Variants in UTRN observed in about 807,000 individuals in gnomAD.
UTRN encodes the protein dystrophin-related protein 1.
A neutral mutation model predicts 463.9 loss-of-function variants in UTRN; 283 were observed. The observed-to-expected ratio is 0.61, with a 90% confidence interval of 0.55 to 0.67. The LOEUF (loss-of-function observed/expected upper bound fraction) is 0.67, where lower values mean the gene tolerates loss of function less well. Ranked by LOEUF, UTRN falls within the 30% of genes least tolerant of loss-of-function variation. UTRN has a pLI of 0.00. For missense variants in UTRN, 3,922 were observed against 4,084.3 expected (o/e 0.96, Z 1.08); for synonymous variants, 1,442 against 1,431.5 (o/e 1.01, Z -0.17).
intron 51 of UTRN, among the ~76,000 whole-genome samples, chr6:144,630,879 A>G (rs1332112598): frequency 2.0e-5 from 3 of 151,386 alleles, no homozygotes; most frequent in Middle Eastern, 3.2e-3. Context: ...CACAATAACC[A>G]CCCCAAGAAG....
intron 2 of UTRN, among the ~76,000 whole-genome samples, chr6:144,302,578 C>CA (rs1349150209): frequency 6.6e-6 from 1 of 151,984 alleles, no homozygotes; most frequent in African/African-American, 2.4e-5. Flanking sequence ...ATACCTCATT[C>CA]ATTCAGCAAA....
Position 144,539,347 on chromosome 6 carries a change from A to C in UTRN, c.6423A>C (p.Arg2141Ser). ...VHAEKLKWLN[R>S]TELEMLSDKS... ...CTGAAAAACTCAAATGGCTGAATAGAACTGAATTGGAGATGCTTTCAGATA... is the reference window on the plus strand; with the variant it reads ...CTGAAAAACTCAAATGGCTGAATAGCACTGAATTGGAGATGCTTTCAGATA... Residue 2141 changes from arginine (R) to serine (S), a missense_variant, in exon 45 of 75, where the codon AGA becomes AGC. Coordinates refer to ENST00000367545, the MANE Select transcript of UTRN (RefSeq NM_007124.3). The C allele has an allele frequency of 1.9e-6, 3 of 1,613,552 alleles. No individual in the cohort carries two copies. In the South Asian group the frequency reaches 3.3e-5, roughly 18 times the overall value.
chr6:144,730,256 T>C, intron 53 of UTRN, 101 bp from the exon 54 acceptor site: 1 of 1,275,366 alleles, frequency 7.8e-7, no homozygotes. Flanking sequence ...CTATTAGTCA[T>C]TTTCTTGCTA....
chr6:144,657,250 CAAA>C (rs11400052), intron 51 of UTRN, among the ~76,000 whole-genome samples: 77 of 68,854 alleles, frequency 1.1e-3, no homozygotes, highest in South Asian at 2.5e-3. Context: ...AACTCCATCT[CAAA>C]AAAAAAAAAA....
At chr6:144,381,983 G>C (rs1239192515) in intron 2 of UTRN, among the ~76,000 whole-genome samples, 1 of 152,228 alleles carries the variant, frequency 6.6e-6, no homozygotes, top group Non-Finnish European at 1.5e-5. Flanking sequence ...CAGTGTGTAA[G>C]TGTTCCTTTT....
chr6:144,721,999 T>C lies in UTRN; in HGVS notation c.7810-8358T>C, dbSNP rs1373918217. On this transcript the variant is annotated intron_variant, in intron 53 of 74. Transcript: ENST00000367545. ...TGTAGAATGCAAAATACATAAGCTT[T>C]GTGACAGGTTGTCATGTAAGAGCAC... 7.9e-5 allele frequency among the ~76,000 whole-genome samples: 12 copies of C among 152,194 alleles called. No homozygotes were observed. In the East Asian group the frequency reaches 2.3e-3, roughly 29 times the overall value.
intron 2 of UTRN, among the ~76,000 whole-genome samples, chr6:144,351,217 A>G (rs555438873): frequency 6.6e-6 from 1 of 152,326 alleles, no homozygotes; most frequent in Non-Finnish European, 1.5e-5. Context: ...GACAGATTGC[A>G]AGAAGGATTA....
At chr6:144,755,149 T>C (rs1380758691) in intron 57 of UTRN, among the ~76,000 whole-genome samples, 1 of 152,202 alleles carries the variant, frequency 6.6e-6, no homozygotes, top group Non-Finnish European at 1.5e-5. Flanking sequence ...GGTTTTAAAT[T>C]AATTTTTCTG....
Position 144,435,984 on chromosome 6 carries a change from G to A in UTRN, c.905G>A (p.Ser302Asn), listed in dbSNP as rs1447595193. The A allele has an allele frequency of 6.2e-7, 1 of 1,614,194 alleles. No individual in the cohort carries two copies. Among genetic ancestry groups the A allele is most frequent in the South Asian group, 1.1e-5 (1 of 91,086 alleles). The change falls in exon 10 of 75, where the codon AGC becomes AAC. Residue 302 changes from serine (S) to asparagine (N), a missense_variant. Physicochemically the swap from Ser to Asn is conservative, Grantham distance 46 (BLOSUM62 1). Transcript: ENST00000367545. ...EHESPRAETP[S>N]TVTEVDMDLD... ...GAGAGTCCCCGAGCTGAAACTCCCAGCACTGTCACTGAGGTTGACATGGAT... is the reference window on the plus strand; with the variant it reads ...GAGAGTCCCCGAGCTGAAACTCCCAACACTGTCACTGAGGTTGACATGGAT...
At chr6:144,287,408 G>T (rs932186538) in intron 1 of UTRN, among the ~76,000 whole-genome samples, 2 of 152,088 alleles carry the variant, frequency 1.3e-5, no homozygotes, top group Non-Finnish European at 2.9e-5. Context: ...TTCTTTTACT[G>T]TGTTTCAAGC....
At chr6:144,603,032 G>A (rs1804428690) in intron 51 of UTRN, among the ~76,000 whole-genome samples, 2 of 152,142 alleles carry the variant, frequency 1.3e-5, no homozygotes, top group South Asian at 4.1e-4. Context: ...TGCATGTAAA[G>A]CATCTTTGCA....
chr6:144,404,022 G>T (rs1197059090), intron 3 of UTRN, among the ~76,000 whole-genome samples: 1 of 152,174 alleles, frequency 6.6e-6, no homozygotes, highest in African/African-American at 2.4e-5. Flanking sequence ...TTCAAAAGTT[G>T]TAAAGGTCAG....
In UTRN at chr6:144,577,135, G is replaced by C; in HGVS notation, c.7326G>C (p.Trp2442Cys). 1.2e-6 allele frequency: 2 copies of C among 1,613,864 alleles called. No homozygotes were observed. Residue 2442 changes from tryptophan to cysteine, a missense_variant, in exon 51 of 75, where the codon TGG (tryptophan) becomes TGC (cysteine). This residue lies in a region of UTRN where 1,309 missense variants were observed against 1,452.6 expected (regional missense o/e 0.90). Coordinates refer to ENST00000367545, the MANE Select transcript of UTRN (RefSeq NM_007124.3). ...ADRQNALEAE[W>C]RTVQASRRDL... ...GACAGAACGCCTTGGAGGCTGAGTG[G>C]AGGACGGTGCAGGCCTCTCGCAGAG...
intron 2 of UTRN, among the ~76,000 whole-genome samples, chr6:144,352,712 C>G (rs531302866): frequency 2.1e-4 from 32 of 152,164 alleles, no homozygotes; most frequent in African/African-American, 7.2e-4. Flanking sequence ...TCTGAGTAAT[C>G]AAATCTAAAT....
At chr6:144,702,557 CA>C (rs1201224930) in intron 53 of UTRN, among the ~76,000 whole-genome samples, 3 of 152,040 alleles carry the variant, frequency 2.0e-5, no homozygotes, top group Non-Finnish European at 4.4e-5. Flanking sequence ...ACGGTAATAA[CA>C]AAAATAAAGC....
intron 25 of UTRN, 71 bp downstream of exon 25, chr6:144,474,830 T>C: frequency 6.5e-7 from 1 of 1,534,734 alleles, no homozygotes; most frequent in Non-Finnish European, 8.8e-7. Flanking sequence ...GCTGACTAAA[T>C]GTATTATGAC....
chr6:144,844,565 G>A (rs1478302028), intron 73 of UTRN, among the ~76,000 whole-genome samples: 1 of 151,860 alleles, frequency 6.6e-6, no homozygotes, highest in African/African-American at 2.4e-5. Flanking sequence ...CACCACACCC[G>A]GCCCCAATAC....
intron 44 of UTRN, among the ~76,000 whole-genome samples, 184 bp from the exon 45 acceptor site, chr6:144,539,110 T>C (rs926747388): frequency 3.3e-5 from 5 of 152,242 alleles, no homozygotes; most frequent in African/African-American, 1.2e-4. Flanking sequence ...ACAGAAGGCA[T>C]GTGCTCACTC....
intron 2 of UTRN, among the ~76,000 whole-genome samples, chr6:144,385,229 G>C (rs549416558): frequency 6.6e-6 from 1 of 152,300 alleles, no homozygotes; most frequent in East Asian, 1.9e-4. Flanking sequence ...AGAAAACAGA[G>C]AACGTTATCC....
Sources: allele counts gnomAD v4.1 joint callset (sites outside exome capture counted in the v4.1 genomes callset), GRCh38; gene constraint gnomAD v4.1.1; regional missense constraint gnomAD v4.1.1; transcripts MANE v1.5; gene names NCBI Gene and HGNC (gene_info 2026-07-23, HGNC 2026-07-21).